The following SLC8A1 variants were observed in gnomAD, a reference collection of about 807,000 sequenced individuals.
The protein encoded by SLC8A1 is solute carrier family 8 member A1, also known as sodium/calcium exchanger 1.
A neutral mutation model predicts 68.3 loss-of-function variants in SLC8A1; 18 were observed. That is an observed-to-expected ratio of 0.26 (90% CI 0.18 to 0.39). SLC8A1 has a LOEUF of 0.39. SLC8A1 is among the 10% of genes least tolerant of loss of function. The pLI is 1.00. For synonymous variants in SLC8A1, 475 were observed against 415.5 expected (o/e 1.14, Z -1.74); for missense variants, 985 against 1,156.7 (o/e 0.85, Z 2.15).
chr2:40,456,109 G>A (rs1702997346), upstream of SLC8A1, among the ~76,000 whole-genome samples: 1 of 152,136 alleles, frequency 6.6e-6, no homozygotes. Flanking sequence ...GAGGTCAGGA[G>A]ATCGAGACCA....
At chr2:40,138,709 A>T (rs1257228720) in intron 7 of SLC8A1, among the ~76,000 whole-genome samples, 2 of 152,158 alleles carry the variant, frequency 1.3e-5, no homozygotes, top group East Asian at 3.9e-4. Context: ...TCCCCACCAA[A>T]GTTTGAAAAT....
At chr2:40,490,778 T>A (rs1705264275) in intron 1 of SLC8A1, among the ~76,000 whole-genome samples, 1 of 151,992 alleles carries the variant, frequency 6.6e-6, no homozygotes, top group Non-Finnish European at 1.5e-5. Context: ...GTGAAAAGAA[T>A]CAAAAATTAT....
At chr2:40,194,850 T>C (rs1641457) in intron 2 of SLC8A1, among the ~76,000 whole-genome samples, 1 of 151,472 alleles carries the variant, frequency 6.6e-6, no homozygotes, top group African/African-American at 2.4e-5. Context: ...GTAGTGCAGG[T>C]AGTAGGATAT....
intron 1 of SLC8A1, among the ~76,000 whole-genome samples, chr2:40,436,249 G>A (rs1699395857): frequency 6.6e-6 from 1 of 152,050 alleles, no homozygotes; most frequent in African/African-American, 2.4e-5. Context: ...TCTGCTTATT[G>A]AATGAGTAAA....
intron 2 of SLC8A1, among the ~76,000 whole-genome samples, chr2:40,397,138 TAC>T (rs1319818922): frequency 2.1e-4 from 32 of 152,308 alleles, no homozygotes; most frequent in African/African-American, 7.7e-4. Flanking sequence ...TGAGAACAGA[TAC>T]ACAGTGTTTA....
intron 2 of SLC8A1, among the ~76,000 whole-genome samples, chr2:40,419,591 T>C (rs1404279579): frequency 2.6e-5 from 4 of 152,104 alleles, no homozygotes; most frequent in Non-Finnish European, 5.9e-5. Context: ...TCAGGTGATA[T>C]ACAAATCCCA....
rs868088626 is a variant in SLC8A1 at position 40,235,436 on chromosome 2, G to A, written c.1809-57581C>T. ...TGGTAGTTTGTATTTCTGTGGGATC[G>A]GTGGTGATATCCCCTTTATCATTTT... On this transcript the variant is annotated intron_variant, in intron 2 of 7. Coordinates refer to ENST00000406785, the Ensembl canonical transcript of SLC8A1. 7.6e-4 allele frequency among the ~76,000 whole-genome samples: 115 copies of A among 151,938 alleles called. No homozygotes were observed. The Middle Eastern group carries it at 0.01, about 13-fold the overall frequency.
At chr2:40,346,444 A>G (rs1025842561) in intron 2 of SLC8A1, among the ~76,000 whole-genome samples, 4 of 152,164 alleles carry the variant, frequency 2.6e-5, no homozygotes, top group Non-Finnish European at 5.9e-5. Context: ...ATCTCTGGGC[A>G]GAGGACTCAA....
At chr2:40,145,352 C>A (rs1237088823) in intron 6 of SLC8A1, among the ~76,000 whole-genome samples, 1 of 152,132 alleles carries the variant, frequency 6.6e-6, no homozygotes, top group African/African-American at 2.4e-5. Flanking sequence ...GGTCAACCAT[C>A]CAGTTCTGAA....
rs142666272 is a variant in SLC8A1, at chr2:40,466,436, T to C, written c.-24-36132A>G. 2.1e-3 allele frequency among the ~76,000 whole-genome samples: 314 copies of C among 152,280 alleles called. 3 individuals are homozygous for C. The highest frequency in any genetic ancestry group is 7.2e-3 in the African/African-American group (299 of 41,550). ...ATTAAAACATGTCTTAAAGGTCCTC[T>C]ACAGCTTTTACATCCAATAAGATGG... is the stretch of plus-strand genomic sequence containing the variant. On this transcript the variant is annotated intron_variant, in intron 1 of 7. Transcript: ENST00000402441.
At chr2:40,135,108 G>A (rs1356667448) in intron 7 of SLC8A1, among the ~76,000 whole-genome samples, 2 of 152,190 alleles carry the variant, frequency 1.3e-5, no homozygotes, top group East Asian at 1.9e-4. Context: ...TAGAAAAAAA[G>A]GCCCATGGGC....
intron 2 of SLC8A1, among the ~76,000 whole-genome samples, chr2:40,307,146 T>TATACAC (rs1553490522): frequency 2.8e-4 from 42 of 148,286 alleles, no homozygotes; most frequent in African/African-American, 9.2e-4. Flanking sequence ...AAATGTGATA[T>TATACAC]ACACACACAC....
chr2:40,234,317 C>A (rs888353840), intron 2 of SLC8A1, among the ~76,000 whole-genome samples: 3 of 151,624 alleles, frequency 2.0e-5, no homozygotes, highest in Admixed American at 6.6e-5. Flanking sequence ...TCCTTCACAT[C>A]CCTTGTAAGT....
At chr2:40,293,806 A>G (rs1346751907) in intron 2 of SLC8A1, among the ~76,000 whole-genome samples, 1 of 152,146 alleles carries the variant, frequency 6.6e-6, no homozygotes, top group East Asian at 1.9e-4. Context: ...AGACTTATCT[A>G]TGGTATATTC....
intron 2 of SLC8A1, among the ~76,000 whole-genome samples, chr2:40,213,924 A>C (rs2148795718): frequency 6.6e-6 from 1 of 152,328 alleles, no homozygotes; most frequent in South Asian, 2.1e-4. Flanking sequence ...TTCCTAAAAG[A>C]AAAACAGTAA....
intron 2 of SLC8A1, among the ~76,000 whole-genome samples, chr2:40,355,436 G>A (rs749765051): frequency 1.3e-5 from 2 of 152,110 alleles, no homozygotes; most frequent in African/African-American, 4.8e-5. Context: ...TCAGCCAGTG[G>A]CTTTCTTGGT....
chr2:40,305,603 G>A (rs1559166713), intron 2 of SLC8A1, among the ~76,000 whole-genome samples: 1 of 152,164 alleles, frequency 6.6e-6, no homozygotes, highest in Non-Finnish European at 1.5e-5. Flanking sequence ...TGCTCAATAA[G>A]TTTGTTAGAT....
At chr2:40,374,250 C>T (rs1238283500) in intron 2 of SLC8A1, among the ~76,000 whole-genome samples, 2 of 152,040 alleles carry the variant, frequency 1.3e-5, no homozygotes, top group Non-Finnish European at 2.9e-5. Flanking sequence ...AGCGGCTCAT[C>T]TCTGTAATCA....
At chr2:40,198,385 T>C (rs975964122) in intron 2 of SLC8A1, among the ~76,000 whole-genome samples, 27 of 151,954 alleles carry the variant, frequency 1.8e-4, no homozygotes, top group Non-Finnish European at 3.5e-4. Context: ...AGAAAGATGA[T>C]ATATAATTAT....
Sources: gnomAD v4.1 joint callset for allele counts (sites outside exome capture counted in the v4.1 genomes callset) on GRCh38, gnomAD v4.1.1 for gene constraint, MANE v1.5 for transcripts, NCBI Gene and HGNC (gene_info 2026-07-23, HGNC 2026-07-21) for gene names.